The following FAM83A variants were observed in gnomAD, a reference collection of about 807,000 sequenced individuals.
The protein encoded by FAM83A is protein FAM83A.
Under a neutral mutation model 24.4 loss-of-function variants are expected in FAM83A, and 21 were observed. That is an observed-to-expected ratio of 0.86 (90% CI 0.61 to 1.24). The LOEUF is 1.24. Among genes scored for constraint, FAM83A ranks in the 50% most tolerant of loss-of-function variants. The pLI is 0.00. For missense variants in FAM83A, 617 were observed against 579.8 expected (o/e 1.06, Z -0.66); for synonymous variants, 270 against 252.4 (o/e 1.07, Z -0.66).
chr8:123,181,599 A>T (rs968016909), upstream of FAM83A: 1 of 162,260 alleles, frequency 6.2e-6, no homozygotes, highest in African/African-American at 2.4e-5. Context: ...TCAGCCAATG[A>T]TAACTAGGAC....
At chr8:123,190,662 C>A (rs1428501417) in intron 1 of FAM83A, among the ~76,000 whole-genome samples, 3 of 151,984 alleles carry the variant, frequency 2.0e-5, no homozygotes, top group Non-Finnish European at 4.4e-5. Context: ...AGAGAGTAAA[C>A]CCAAACAAGC....
chr8:123,186,605 G>A lies in FAM83A; in HGVS notation c.480+3269G>A, dbSNP rs550940304. On this transcript the variant is annotated intron_variant, in intron 1 of 3. Transcript: ENST00000690554. ...AGCACTTTGGGAGGCTGAGGCAGGT[G>A]GATCTCCTGAGGTCAGGAGTTCAAG... Among the ~76,000 whole-genome samples, 206 of 152,176 alleles carry A rather than the reference G, an allele frequency of 1.4e-3. 1 individual carries two copies. The highest frequency in any genetic ancestry group is 4.6e-3 in the African/African-American group (191 of 41,512).
chr8:123,204,458 C>T (rs1824471908), intron 3 of FAM83A, among the ~76,000 whole-genome samples: 1 of 152,128 alleles, frequency 6.6e-6, no homozygotes, highest in Admixed American at 6.5e-5. Context: ...ATGGGCCAAA[C>T]AACAATAGAA....
chr8:123,183,259 G>A (rs566815866), exon 1 of FAM83A: 30 of 1,613,232 alleles, frequency 1.9e-5, no homozygotes, highest in African/African-American at 1.2e-4. Context: ...AAAATCCAGC[G>A]CCACTGTGTA....
Position 123,195,987 on chromosome 8 carries a change from G to T in FAM83A, c.773+1839G>T, listed in dbSNP as rs191186504. Among the ~76,000 whole-genome samples, 217 of 152,372 alleles carry T rather than the reference G, an allele frequency of 1.4e-3. 1 individual carries two copies. The highest frequency in any genetic ancestry group is 6.8e-3 in the Middle Eastern group (2 of 294). On this transcript the variant is annotated intron_variant, in intron 3 of 3. Transcript: ENST00000690554. ...TTTCAAACTTGCTGATAGATTTTAAGTGTGTCTTTTGTGAACAACATATCA... is the reference window on the plus strand; with the variant it reads ...TTTCAAACTTGCTGATAGATTTTAATTGTGTCTTTTGTGAACAACATATCA...
chr8:123,183,643 CTTTCTTTTTT>C (rs780992441), intron 1 of FAM83A, among the ~76,000 whole-genome samples: 2 of 151,180 alleles, frequency 1.3e-5, no homozygotes, highest in South Asian at 2.1e-4. Flanking sequence ...CTTTTCCTCT[CTTTCTTTTTT>C]TTTCTTTTTT....
intron 3 of FAM83A, chr8:123,202,784 A>G (rs1415464927): frequency 6.6e-6 from 1 of 152,520 alleles, no homozygotes; most frequent in African/African-American, 2.4e-5. Context: ...AATAAAAATA[A>G]TCAGACCACG....
intron 3 of FAM83A, among the ~76,000 whole-genome samples, chr8:123,206,541 G>A (rs917626258): frequency 6.6e-6 from 1 of 152,214 alleles, no homozygotes; most frequent in Non-Finnish European, 1.5e-5. Context: ...GAAGGCCCCG[G>A]CTGCTGGGTG....
intron 1 of FAM83A, among the ~76,000 whole-genome samples, chr8:123,190,790 T>G (rs893326487): frequency 6.6e-6 from 1 of 152,170 alleles, no homozygotes; most frequent in African/African-American, 2.4e-5. Context: ...TGTCTCTACC[T>G]CCTGGCTGCT....
At chr8:123,182,589 T>C (rs1421450942), upstream of FAM83A, 4 of 658,084 alleles carry the variant, frequency 6.1e-6, no homozygotes, top group South Asian at 6.0e-5. Flanking sequence ...GCCAAGGAGG[T>C]GTCTGAGCCA....
At chr8:123,207,232 C>T in exon 4 of FAM83A, 4 of 1,612,614 alleles carry the variant, frequency 2.5e-6, no homozygotes, top group Middle Eastern at 3.3e-4. Flanking sequence ...AGCTGTTTGA[C>T]GAGGAGTTCC....
intron 3 of FAM83A, among the ~76,000 whole-genome samples, chr8:123,200,495 T>G (rs1824312694): frequency 6.6e-6 from 1 of 152,128 alleles, no homozygotes; most frequent in Non-Finnish European, 1.5e-5. Flanking sequence ...TGCTGAAGGA[T>G]GTCAGGGACT....
intron 1 of FAM83A, among the ~76,000 whole-genome samples, chr8:123,187,043 A>G (rs1008114051): frequency 1.3e-5 from 2 of 152,112 alleles, no homozygotes; most frequent in African/African-American, 4.8e-5. Context: ...GGCTTCACGG[A>G]AGAGGTGGTC....
At chr8:123,190,427 AT>A (rs567254834) in intron 1 of FAM83A, among the ~76,000 whole-genome samples, 836 of 137,318 alleles carry the variant, frequency 6.1e-3, no homozygotes, top group Middle Eastern at 7.3e-3. Context: ...AGTCCAGCTA[AT>A]TTTTTTTTTT....
intron 3 of FAM83A, among the ~76,000 whole-genome samples, chr8:123,194,382 A>G (rs562030811): frequency 5.3e-5 from 8 of 152,082 alleles, no homozygotes; most frequent in Non-Finnish European, 8.8e-5. Flanking sequence ...TTCCCTTGAT[A>G]TTGCAATAGG....
exon 4 of FAM83A, chr8:123,207,687 G>T (rs1409941628): frequency 1.3e-6 from 2 of 1,491,042 alleles, no homozygotes; most frequent in African/African-American, 2.8e-5. Context: ...CCTCACTTCT[G>T]AAGGTCCCAT....
At chr8:123,183,163 G>C in exon 1 of FAM83A, 2 of 1,613,742 alleles carry the variant, frequency 1.2e-6, no homozygotes, top group Non-Finnish European at 1.7e-6. Context: ...CCTACAGTCC[G>C]GCACCTACTT....
In FAM83A at chr8:123,209,724, A is replaced by G. The variant is rs1350636293; in HGVS notation, c.*2036A>G. On this transcript the variant is annotated 3_prime_UTR_variant, in exon 4 of 4. Coordinates refer to ENST00000690554, the Ensembl canonical transcript of FAM83A. This position sits in a 1 kb window ranked among gnomAD's most constrained non-coding sequence, Gnocchi z 4.7. ...AGGGGAGAACCTGCAGGCAGGAACAAGCCCCCCTACTCCTGACCACCCTCC... is the reference window on the plus strand; with the variant it reads ...AGGGGAGAACCTGCAGGCAGGAACAGGCCCCCCTACTCCTGACCACCCTCC... 3 of 678,086 alleles carry G rather than the reference A, an allele frequency of 4.4e-6. No homozygotes were observed. Among genetic ancestry groups the G allele is most frequent in the Admixed American group, 2.7e-5 (1 of 37,164 alleles). 42.0% of individuals were successfully genotyped at this position (678,086 alleles called of 1,614,324 possible).
intron 3 of FAM83A, among the ~76,000 whole-genome samples, chr8:123,197,635 G>A (rs1001637627): frequency 5.9e-5 from 9 of 152,160 alleles, no homozygotes; most frequent in African/African-American, 9.7e-5. Context: ...TTCTTGCAGC[G>A]CTCTTGACAC....
Sources: allele counts gnomAD v4.1 joint callset (sites outside exome capture counted in the v4.1 genomes callset), GRCh38; gene constraint gnomAD v4.1.1; non-coding constraint Gnocchi (gnomAD v3.1); transcripts MANE v1.5; gene names NCBI Gene and HGNC (gene_info 2026-07-23, HGNC 2026-07-21).